Variants in PADI1 observed in about 807,000 individuals in gnomAD.
The protein encoded by PADI1 is peptidyl arginine deiminase 1, also known as protein-arginine deiminase type-1.
A neutral mutation model predicts 74.8 loss-of-function variants in PADI1; 65 were observed. That is an observed-to-expected ratio of 0.87 (90% CI 0.71 to 1.07). The LOEUF (loss-of-function observed/expected upper bound fraction) is 1.07, where lower values mean the gene tolerates loss of function less well. PADI1 is among the 50% of genes least tolerant of loss of function. The probability of loss-of-function intolerance (pLI) is 0.00; values close to 1 mark genes in which losing one functional copy is unlikely to be tolerated. For missense variants in PADI1, 943 were observed against 854.0 expected (o/e 1.10, Z -1.30); for synonymous variants, 371 against 336.2 (o/e 1.10, Z -1.13).
At chr1:17,215,174 C>T (rs1252066227) in intron 1 of PADI1, among the ~76,000 whole-genome samples, 1 of 152,166 alleles carries the variant, frequency 6.6e-6, no homozygotes, top group Non-Finnish European at 1.5e-5. Context: ...CCCCTCTAGG[C>T]ACTGCCCACT....
intron 6 of PADI1, among the ~76,000 whole-genome samples, chr1:17,226,588 C>T (rs761425746): frequency 6.6e-6 from 1 of 152,184 alleles, no homozygotes; most frequent in South Asian, 2.1e-4. Flanking sequence ...CAGAACCTGT[C>T]TTTCTCATCA....
At chr1:17,226,905 G>A (rs1053224350) in intron 6 of PADI1, among the ~76,000 whole-genome samples, 13 of 152,194 alleles carry the variant, frequency 8.5e-5, no homozygotes, top group African/African-American at 1.7e-4. Context: ...AAAAAAATTA[G>A]CCAGGTGTGG....
chr1:17,233,584 G>C (rs1400129002), intron 11 of PADI1, among the ~76,000 whole-genome samples: 1 of 152,232 alleles, frequency 6.6e-6, no homozygotes, highest in Non-Finnish European at 1.5e-5. Context: ...TGCTGAGTGG[G>C]TGCACACCCT....
chr1:17,232,397 G>A (rs919229420), intron 10 of PADI1, among the ~76,000 whole-genome samples: 9 of 152,114 alleles, frequency 5.9e-5, no homozygotes, highest in Non-Finnish European at 7.4e-5. Context: ...GCCCCACCAC[G>A]CTCAGTTTAA....
At chr1:17,222,603 C>T (rs980697205) in intron 2 of PADI1, 133 bp downstream of exon 2, 4 of 693,734 alleles carry the variant, frequency 5.8e-6, no homozygotes, top group Non-Finnish European at 1.0e-5. Flanking sequence ...ACAGTACATA[C>T]ACAAAACGTA....
chr1:17,239,980 A>T, intron 14 of PADI1, 197 bp downstream of exon 14: 2 of 574,298 alleles, frequency 3.5e-6, no homozygotes, highest in African/African-American at 3.7e-5. Flanking sequence ...ATGCCCTCAG[A>T]GAGCTCCCAG....
intron 12 of PADI1, among the ~76,000 whole-genome samples, chr1:17,238,119 G>A (rs2072690025): frequency 1.3e-5 from 2 of 152,192 alleles, no homozygotes; most frequent in Non-Finnish European, 2.9e-5. Context: ...CGCGATCTTG[G>A]CTCACTACAA....
At chr1:17,221,527 G>A (rs1382887545) in intron 1 of PADI1, among the ~76,000 whole-genome samples, 1 of 152,024 alleles carries the variant, frequency 6.6e-6, no homozygotes, top group Middle Eastern at 3.4e-3. Flanking sequence ...TCAGTCGGGG[G>A]GAAAGGTGGG....
intron 11 of PADI1, among the ~76,000 whole-genome samples, chr1:17,233,639 G>C (rs867107427): frequency 6.6e-6 from 1 of 152,258 alleles, no homozygotes; most frequent in Non-Finnish European, 1.5e-5. Context: ...CAGGGTCCTG[G>C]TGGGTCCCCC....
chr1:17,242,773 C>T (rs532656256), intron 15 of PADI1, among the ~76,000 whole-genome samples: 21 of 152,308 alleles, frequency 1.4e-4, no homozygotes, highest in Non-Finnish European at 2.5e-4. Flanking sequence ...GGGACCAGCC[C>T]CCAATCCCAT....
intron 15 of PADI1, among the ~76,000 whole-genome samples, chr1:17,242,287 T>G (rs2072793206): frequency 6.6e-6 from 1 of 152,244 alleles, no homozygotes; most frequent in Admixed American, 6.5e-5. Context: ...CAGTGTTGTC[T>G]GTTAGAACAT....
chr1:17,230,548 G>C (rs750650023), intron 9 of PADI1, 24 bp from the exon 10 acceptor site: 6 of 1,533,532 alleles, frequency 3.9e-6, no homozygotes, highest in Admixed American at 1.8e-5. Flanking sequence ...GGTCACTGTG[G>C]CTTTTTCATC....
chr1:17,205,185 G>A lies in PADI1; in HGVS notation c.-33G>A. On this transcript the variant is annotated 5_prime_UTR_variant, in exon 1 of 16. Transcript: ENST00000375471. ...CCAGGACGGGAGCTGGGGAGCCAGG[G>A]CTGATCTAGGAGGCTGGGAGCCAGG... 1 of 1,587,558 alleles carries A rather than the reference G, an allele frequency of 6.3e-7. No individual in the cohort carries two copies. The highest frequency in any genetic ancestry group is 8.6e-7 in the Non-Finnish European group (1 of 1,156,518).
At chr1:17,235,230 GGAGGGAGGGAGGGAGAGTGGGAGGGAGGA>G (rs1269375899) in intron 11 of PADI1, among the ~76,000 whole-genome samples, 48 of 130,760 alleles carry the variant, frequency 3.7e-4, no homozygotes, top group South Asian at 1.4e-3. Flanking sequence ...AGGAAGGAAG[GGAGGGAGGGAGGGAGAGTGGGAGGGAGGA>G]AGGGAAGGAA....
intron 1 of PADI1, among the ~76,000 whole-genome samples, chr1:17,219,430 G>A (rs115930868): frequency 0.014 from 2,197 of 152,234 alleles, 15 homozygotes; most frequent in Non-Finnish European, 0.023. Context: ...CGAGTGGGTT[G>A]CTAACAGGGG....
In PADI1 at chr1:17,239,650, G is replaced by A. The variant is rs565608786; in HGVS notation, c.1553-54G>A. On this transcript the variant is annotated intron_variant, in intron 13 of 15. Transcript: ENST00000375471. ...CTGGATTATGTAGCCCCAGGCTGAA[G>A]ACGGCCTCCAGGCAGTGCTCCCTGA... is the stretch of plus-strand genomic sequence containing the variant. 3.4e-5 allele frequency: 46 copies of A among 1,340,296 alleles called. 1 individual carries two copies. The South Asian group carries it at 5.0e-4, about 15-fold the overall frequency. The allele number at this position is 1,340,296 out of a possible 1,614,324, so 83.0% of individuals were successfully genotyped here.
chr1:17,218,717 A>G (rs2072047071), intron 1 of PADI1, among the ~76,000 whole-genome samples: 1 of 152,194 alleles, frequency 6.6e-6, no homozygotes, highest in African/African-American at 2.4e-5. Flanking sequence ...TCAAAGGAGA[A>G]TGAGTTTGGG....
Position 17,228,771 on chromosome 1 carries a change from C to G in PADI1, c.799C>G (p.Leu267Val). ...PDADFLGLVS[L>V]SVSLVDPGTL... Reference sequence around the variant, plus strand: ...TGCCGATTTCCTAGGGCTGGTTTCCCTCAGTGTCAGCCTGGTGGACCCGGG... The same window carrying G: ...TGCCGATTTCCTAGGGCTGGTTTCCGTCAGTGTCAGCCTGGTGGACCCGGG... Residue 267 changes from leucine (L) to valine (V), a missense_variant, in exon 7 of 16, where the codon CTC becomes GTC. Transcript: ENST00000375471. 1 of 1,614,148 alleles carries G rather than the reference C, an allele frequency of 6.2e-7. No homozygotes were observed. The highest frequency in any genetic ancestry group is 8.5e-7 in the Non-Finnish European group (1 of 1,180,014).
chr1:17,244,550 G>T lies in PADI1; in HGVS notation c.*307G>T, dbSNP rs1418812274. On this transcript the variant is annotated 3_prime_UTR_variant, in exon 16 of 16. Coordinates refer to ENST00000375471, the MANE Select transcript of PADI1 (RefSeq NM_013358.3). The stretch of plus-strand genomic sequence containing the variant: ...GGCTGTGGGAGGCCTAGGGAGATGG[G>T]CCCCACTTAGAATTGCTCCCCCTTC... 2.1e-6 allele frequency: 1 copy of T among 473,870 alleles called. No individual in the cohort carries two copies. Among genetic ancestry groups the T allele is most frequent in the Non-Finnish European group, 4.1e-6 (1 of 241,892 alleles). The allele number at this position is 473,870 out of a possible 1,614,324, so 29.4% of individuals were successfully genotyped here. A position where few individuals can be genotyped will look rare whatever the true frequency, so the allele number is the denominator to read the frequency against.
Sources: gnomAD v4.1 joint callset for allele counts (sites outside exome capture counted in the v4.1 genomes callset) on GRCh38, gnomAD v4.1.1 for gene constraint, MANE v1.5 for transcripts, NCBI Gene and HGNC (gene_info 2026-07-23, HGNC 2026-07-21) for gene names.